The following GHR variants were observed in gnomAD, a reference collection of about 807,000 sequenced individuals.
The protein encoded by GHR is GH receptor.
Under a neutral mutation model 67.1 loss-of-function variants are expected in GHR, and 35 were observed. The observed-to-expected ratio is 0.52, with a 90% CI of 0.40 to 0.69. The LOEUF is 0.69. Ranked by LOEUF, GHR falls within the 30% of genes least tolerant of loss-of-function variation. The pLI, the probability that GHR is intolerant of heterozygous loss-of-function variation, is 0.00. For synonymous variants in GHR, 272 were observed against 269.1 expected (o/e 1.01, Z -0.10); for missense variants, 792 against 764.6 (o/e 1.04, Z -0.42).
intron 1 of GHR, among the ~76,000 whole-genome samples, chr5:42,541,691 G>T (rs1208425518): frequency 6.6e-6 from 1 of 152,148 alleles, no homozygotes; most frequent in Admixed American, 6.5e-5. Flanking sequence ...AAATGTTGGT[G>T]CCTTGGTTAA....
At chr5:42,537,097 C>A (rs1748291749) in intron 1 of GHR, among the ~76,000 whole-genome samples, 1 of 151,884 alleles carries the variant, frequency 6.6e-6, no homozygotes, top group African/African-American at 2.4e-5. Flanking sequence ...TTTTATTTAT[C>A]TTTTAAAATA....
chr5:42,720,030 T>G lies in GHR; in HGVS notation c.*606T>G, dbSNP rs1758945043. ...TTACACTACACACTGTGTACTGCAG[T>G]TGGTATGACCCCTCTAAGGAGTGTA... is the stretch of plus-strand genomic sequence containing the variant. On this transcript the variant is annotated 3_prime_UTR_variant, in exon 10 of 10. Coordinates refer to ENST00000230882, the MANE Select transcript of GHR (RefSeq NM_000163.5). 6.2e-6 allele frequency: 1 copy of G among 162,238 alleles called. No homozygotes were observed. The highest frequency in any genetic ancestry group is 5.9e-5 in the Admixed American group (1 of 16,942). The allele number at this position is 162,238 out of a possible 1,614,324, so 10.0% of individuals were successfully genotyped here. A position where few individuals can be genotyped will look rare whatever the true frequency, so the allele number is the denominator to read the frequency against.
At chr5:42,592,983 T>C (rs1751869218) in intron 2 of GHR, among the ~76,000 whole-genome samples, 1 of 152,256 alleles carries the variant, frequency 6.6e-6, no homozygotes, top group South Asian at 2.1e-4. Context: ...TGCATTTCTC[T>C]AGTGAATAGT....
intron 5 of GHR, among the ~76,000 whole-genome samples, chr5:42,698,574 G>A (rs1380458149): frequency 2.0e-5 from 3 of 152,096 alleles, no homozygotes; most frequent in Non-Finnish European, 4.4e-5. Flanking sequence ...AGGTGGTGTC[G>A]ACCCCACAGA....
intron 1 of GHR, among the ~76,000 whole-genome samples, chr5:42,532,086 G>A (rs1747997371): frequency 6.6e-6 from 1 of 151,206 alleles, no homozygotes; most frequent in African/African-American, 2.4e-5. Flanking sequence ...TTTTCTTCTT[G>A]GAAGGGACAC....
intron 8 of GHR, chr5:42,714,275 CACTCCCAGGTTGCCTAGA>C (rs1305309502): frequency 6.6e-6 from 1 of 152,108 alleles, no homozygotes; most frequent in Non-Finnish European, 1.5e-5. Context: ...AGGTGACTAA[CACTCCCAGGTTGCCTAGA>C]ACTCTCCTGG....
chr5:42,638,709 A>C (rs1030750234), intron 3 of GHR, among the ~76,000 whole-genome samples: 1 of 152,200 alleles, frequency 6.6e-6, no homozygotes. Flanking sequence ...ACAAGACTAT[A>C]GTTGAAAATT....
intron 1 of GHR, among the ~76,000 whole-genome samples, chr5:42,492,318 A>C (rs1449611142): frequency 6.6e-6 from 1 of 152,226 alleles, no homozygotes; most frequent in African/African-American, 2.4e-5. Flanking sequence ...GAAAGAGATA[A>C]ATAAAATATG....
At chr5:42,526,418 A>T (rs1383426103) in intron 1 of GHR, among the ~76,000 whole-genome samples, 1 of 152,252 alleles carries the variant, frequency 6.6e-6, no homozygotes, top group Non-Finnish European at 1.5e-5. Context: ...AAAGTACAAG[A>T]TGAACCAGCA....
intron 3 of GHR, among the ~76,000 whole-genome samples, chr5:42,659,977 G>A (rs923952242): frequency 1.3e-5 from 2 of 152,176 alleles, no homozygotes; most frequent in African/African-American, 4.8e-5. Flanking sequence ...GGCTCGGAGG[G>A]TCCTACGCCC....
chr5:42,465,712 TC>T, intron 1 of GHR: 1 of 900,168 alleles, frequency 1.1e-6, no homozygotes, highest in South Asian at 1.3e-5. Context: ...AAAAAAAAGA[TC>T]TATCACTTCC....
At position 42,614,748 on chromosome 5, in the gene GHR, T is replaced by C. The variant is rs566027143; in HGVS notation, c.71-14290T>C. ...TTTCAAATGTGGTGGGAGTATTTAT[T>C]GATGTACTAATTTGCATTTTGTTCC... On this transcript the variant is annotated intron_variant, in intron 2 of 9. Transcript: ENST00000230882. Among the ~76,000 whole-genome samples, 98 of 152,030 alleles carry C rather than the reference T, an allele frequency of 6.4e-4. 2 individuals are homozygous for C. The highest frequency in any genetic ancestry group is 2.2e-3 in the African/African-American group (91 of 41,496).
At chr5:42,531,139 G>A (rs974818447) in intron 1 of GHR, among the ~76,000 whole-genome samples, 17 of 151,998 alleles carry the variant, frequency 1.1e-4, no homozygotes, top group African/African-American at 4.1e-4. Flanking sequence ...ATGGTGGTGT[G>A]CGCCTGTAAT....
intron 2 of GHR, among the ~76,000 whole-genome samples, chr5:42,627,569 G>A (rs1753764561): frequency 6.6e-6 from 1 of 152,222 alleles, no homozygotes. Flanking sequence ...CCATTGAAAT[G>A]AGCGAGTTCC....
intron 8 of GHR, among the ~76,000 whole-genome samples, chr5:42,715,396 T>TG (rs1408843872): frequency 7.9e-5 from 12 of 152,242 alleles, no homozygotes; most frequent in Non-Finnish European, 1.8e-4. Context: ...CGTCAGGTCC[T>TG]ACATGCCTTT....
chr5:42,430,348 G>GCA (rs778528371), intron 1 of GHR, among the ~76,000 whole-genome samples: 8 of 151,778 alleles, frequency 5.3e-5, no homozygotes, highest in East Asian at 1.9e-4. Context: ...TTGTCTTCCT[G>GCA]CACACACACA....
At chr5:42,682,617 G>C (rs1756944983) in intron 3 of GHR, among the ~76,000 whole-genome samples, 1 of 152,160 alleles carries the variant, frequency 6.6e-6, no homozygotes, top group Non-Finnish European at 1.5e-5. Flanking sequence ...TGTGATTAAG[G>C]AGAAACTAAA....
chr5:42,468,329 C>T, intron 1 of GHR: 1 of 1,563,352 alleles, frequency 6.4e-7, no homozygotes, highest in Non-Finnish European at 8.8e-7. Context: ...GTCATCTTCT[C>T]TGCTCAGCAG....
At chr5:42,654,161 AT>A in intron 3 of GHR, among the ~76,000 whole-genome samples, 1 of 152,302 alleles carries the variant, frequency 6.6e-6, no homozygotes, top group East Asian at 1.9e-4. Flanking sequence ...CAGAATGCAC[AT>A]TCAAATTCCA....
Sources: allele counts gnomAD v4.1 joint callset (sites outside exome capture counted in the v4.1 genomes callset), GRCh38; gene constraint gnomAD v4.1.1; transcripts MANE v1.5; gene names NCBI Gene and HGNC (gene_info 2026-07-23, HGNC 2026-07-21).